SLC4A4: variants seen among roughly 807,000 people sequenced by gnomAD.
SLC4A4 encodes the protein electrogenic sodium bicarbonate cotransporter 1.
Under a neutral mutation model 111.5 loss-of-function variants are expected in SLC4A4, and 27 were observed. That is an observed-to-expected ratio of 0.24 (90% CI 0.18 to 0.33). The LOEUF (loss-of-function observed/expected upper bound fraction) is 0.33, where lower values mean the gene tolerates loss of function less well. Ranked by LOEUF, SLC4A4 falls within the 10% of genes least tolerant of loss-of-function variation. SLC4A4 has a pLI of 1.00. For missense variants in SLC4A4, 909 were observed against 1,315.5 expected, an observed-to-expected ratio of 0.69 and a Z score of 4.78; for synonymous variants, 443 against 463.4, an observed-to-expected ratio of 0.96 and a Z score of 0.57.
intron 20 of SLC4A4, among the ~76,000 whole-genome samples, chr4:71,548,792 G>A (rs1327920774): frequency 1.3e-5 from 2 of 151,840 alleles, no homozygotes; most frequent in African/African-American, 4.8e-5. Context: ...AAAGCCCTCT[G>A]TTCATCTAAA....
chr4:71,411,369 C>G (rs551362683), intron 7 of SLC4A4, among the ~76,000 whole-genome samples: 13 of 152,228 alleles, frequency 8.5e-5, no homozygotes, highest in South Asian at 8.3e-4. Flanking sequence ...CACGCCCCCC[C>G]CCTCTTGCCC....
chr4:71,179,164 C>G (rs1453885789), intron 2 of SLC4A4, among the ~76,000 whole-genome samples: 4 of 152,084 alleles, frequency 2.6e-5, no homozygotes, highest in Non-Finnish European at 5.9e-5. Context: ...ATGCTTCATG[C>G]TAAAAACTCT....
intron 17 of SLC4A4, among the ~76,000 whole-genome samples, chr4:71,533,173 G>A (rs900964029): frequency 6.6e-6 from 1 of 152,014 alleles, no homozygotes; most frequent in African/African-American, 2.4e-5. Context: ...ATTATTTTTT[G>A]AATTGTCTCT....
At chr4:71,298,962 G>A (rs1426056460) in intron 3 of SLC4A4, among the ~76,000 whole-genome samples, 1 of 152,180 alleles carries the variant, frequency 6.6e-6, no homozygotes, top group Non-Finnish European at 1.5e-5. Flanking sequence ...GGAAATCTTA[G>A]CAAATTTTAT....
At chr4:71,206,477 G>A (rs1195227715) in intron 1 of SLC4A4, among the ~76,000 whole-genome samples, 1 of 152,138 alleles carries the variant, frequency 6.6e-6, no homozygotes, top group African/African-American at 2.4e-5. Flanking sequence ...AATTTTATAA[G>A]TGCTTATCTA....
chr4:71,171,018 CTG>C (rs1466531988), intron 2 of SLC4A4, among the ~76,000 whole-genome samples: 1 of 152,122 alleles, frequency 6.6e-6, no homozygotes, highest in Non-Finnish European at 1.5e-5. Context: ...GAGAATCAAA[CTG>C]TGTATGGGGT....
intron 2 of SLC4A4, among the ~76,000 whole-genome samples, chr4:71,174,120 T>C (rs1318981658): frequency 6.6e-6 from 1 of 152,170 alleles, no homozygotes; most frequent in Non-Finnish European, 1.5e-5. Flanking sequence ...TAGATAAAAG[T>C]ACAACAGCTA....
intron 5 of SLC4A4, among the ~76,000 whole-genome samples, chr4:71,353,776 A>G (rs553247491): frequency 6.6e-6 from 1 of 152,314 alleles, no homozygotes; most frequent in African/African-American, 2.4e-5. Flanking sequence ...GCATGATTAT[A>G]TCAAACAAAC....
chr4:71,248,547 A>T (rs1240863557), intron 2 of SLC4A4, among the ~76,000 whole-genome samples: 2 of 152,004 alleles, frequency 1.3e-5, no homozygotes, highest in African/African-American at 4.8e-5. Flanking sequence ...AAGATTGAAA[A>T]GCTCTTCAGG....
chr4:71,109,340 C>T (rs1743026955), intron 2 of SLC4A4, among the ~76,000 whole-genome samples: 1 of 151,794 alleles, frequency 6.6e-6, no homozygotes, highest in African/African-American at 2.4e-5. Context: ...AAGAGAAAAA[C>T]GAAGGGGGGA....
intron 2 of SLC4A4, among the ~76,000 whole-genome samples, chr4:71,150,073 TA>T (rs1446217067): frequency 2.6e-5 from 4 of 152,196 alleles, no homozygotes; most frequent in Non-Finnish European, 5.9e-5. Flanking sequence ...TATATGTTCA[TA>T]AAACCATCTT....
At chr4:71,089,234 G>T (rs1165565060) in intron 1 of SLC4A4, among the ~76,000 whole-genome samples, 1 of 151,974 alleles carries the variant, frequency 6.6e-6, no homozygotes, top group Non-Finnish European at 1.5e-5. Flanking sequence ...TTGTGCCATG[G>T]TTTTCAGCTC....
chr4:71,319,246 C>G (rs1234678819), intron 3 of SLC4A4, among the ~76,000 whole-genome samples: 1 of 151,862 alleles, frequency 6.6e-6, no homozygotes, highest in Non-Finnish European at 1.5e-5. Flanking sequence ...CATATTTTTC[C>G]TTTTCATTCT....
chr4:71,439,197 G>T (rs1050987208), intron 7 of SLC4A4, among the ~76,000 whole-genome samples: 1 of 151,706 alleles, frequency 6.6e-6, no homozygotes, highest in Non-Finnish European at 1.5e-5. Context: ...GGGAGGCTGA[G>T]GCGGGTGGAT....
chr4:71,451,870 C>T (rs868461602), intron 11 of SLC4A4, among the ~76,000 whole-genome samples: 12 of 152,276 alleles, frequency 7.9e-5, no homozygotes, highest in Middle Eastern at 3.4e-3. Context: ...CATTTCTCAC[C>T]TGTATGTGTA....
intron 2 of SLC4A4, among the ~76,000 whole-genome samples, chr4:71,094,069 T>C (rs1742469299): frequency 6.6e-6 from 1 of 152,004 alleles, no homozygotes; most frequent in Non-Finnish European, 1.5e-5. Context: ...GGGAAAAAAA[T>C]CTAAAATATG....
At chr4:71,566,242 A>T (rs1041524186) in intron 24 of SLC4A4, among the ~76,000 whole-genome samples, 4 of 135,740 alleles carry the variant, frequency 2.9e-5, no homozygotes, top group Non-Finnish European at 3.2e-5. Context: ...TTGAGTTTAA[A>T]CTCCTCAAAC....
chr4:71,533,999 T>C (rs1244586263), intron 17 of SLC4A4, among the ~76,000 whole-genome samples: 1 of 152,128 alleles, frequency 6.6e-6, no homozygotes, highest in Non-Finnish European at 1.5e-5. Flanking sequence ...TTCACTTATT[T>C]TCCAACAGCC....
intron 2 of SLC4A4, among the ~76,000 whole-genome samples, chr4:71,122,359 C>T (rs1017284107): frequency 1.3e-5 from 2 of 150,972 alleles, no homozygotes; most frequent in Non-Finnish European, 2.9e-5. Flanking sequence ...TTTTAGTCAC[C>T]TTCAGTGAGA....
Sources: allele counts gnomAD v4.1 joint callset (sites outside exome capture counted in the v4.1 genomes callset), GRCh38; gene constraint gnomAD v4.1.1; transcripts MANE v1.5; gene names NCBI Gene and HGNC (gene_info 2026-07-23, HGNC 2026-07-21).